CAMTA1: variants seen among roughly 807,000 people sequenced by gnomAD.
CAMTA1 encodes calmodulin-binding transcription activator 1.
Under a neutral mutation model 170.9 loss-of-function variants are expected in CAMTA1, and 27 were observed. That is an observed-to-expected ratio of 0.16 (90% CI 0.12 to 0.22). The LOEUF (loss-of-function observed/expected upper bound fraction) is 0.22. Among genes scored for constraint, CAMTA1 ranks in the 10% least tolerant of loss-of-function variants. The probability of loss-of-function intolerance (pLI) is 1.00; values close to 1 mark genes in which losing one functional copy is unlikely to be tolerated. For synonymous variants in CAMTA1, 833 were observed against 891.5 expected (o/e 0.93, Z 1.17); for missense variants, 1,619 against 2,217.2 (o/e 0.73, Z 5.42).
At chr1:6,920,061 T>C (rs1681676587) in intron 3 of CAMTA1, among the ~76,000 whole-genome samples, 1 of 152,142 alleles carries the variant, frequency 6.6e-6, no homozygotes, top group African/African-American at 2.4e-5. Flanking sequence ...CTCAGCTCAT[T>C]TCAGCATTAA....
intron 5 of CAMTA1, among the ~76,000 whole-genome samples, chr1:7,282,993 T>C (rs1056582027): frequency 1.3e-5 from 2 of 152,176 alleles, no homozygotes; most frequent in Non-Finnish European, 2.9e-5. Flanking sequence ...TACAGCAGTA[T>C]TGATAATAGT....
In CAMTA1 at chr1:7,419,740, C is replaced by G. The variant is rs547966107; in HGVS notation, c.439-48090C>G. Among the ~76,000 whole-genome samples the G allele has an allele frequency of 7.9e-5, 12 of 152,310 alleles. No homozygotes were observed. In the East Asian group the frequency reaches 2.3e-3, roughly 29 times the overall value. On this transcript the variant is annotated intron_variant, in intron 5 of 22. Transcript: ENST00000303635. Reference sequence around the variant, plus strand: ...CCACACCCCACCACCACCCAGCAGCCTCCTCCTGTCATCCCACCTGAACCA... The same window carrying G: ...CCACACCCCACCACCACCCAGCAGCGTCCTCCTGTCATCCCACCTGAACCA...
intron 5 of CAMTA1, among the ~76,000 whole-genome samples, chr1:7,309,320 G>T (rs1381186046): frequency 5.3e-4 from 46 of 85,988 alleles, no homozygotes; most frequent in African/African-American, 1.5e-3. Flanking sequence ...TTTTTTTTGA[G>T]ACGGAGTCTC....
intron 22 of CAMTA1, 23 bp from the exon 23 acceptor site, chr1:7,766,436 G>C: frequency 6.2e-7 from 1 of 1,613,042 alleles, no homozygotes; most frequent in East Asian, 2.2e-5. Flanking sequence ...ATCGCCTGCT[G>C]TTTTGTTTTG....
At chr1:7,095,355 C>T (rs1324191850) in intron 4 of CAMTA1, among the ~76,000 whole-genome samples, 1 of 152,050 alleles carries the variant, frequency 6.6e-6, no homozygotes, top group African/African-American at 2.4e-5. Flanking sequence ...TGGTTTTCTC[C>T]ACTTCAGTTT....
intron 3 of CAMTA1, among the ~76,000 whole-genome samples, chr1:6,906,832 T>C (rs994819619): frequency 6.6e-6 from 1 of 152,244 alleles, no homozygotes; most frequent in Non-Finnish European, 1.5e-5. Flanking sequence ...ATTATTTGCC[T>C]GGGGCCAGTT....
In CAMTA1 at chr1:7,534,287, G is replaced by A. The variant is rs1339763931; in HGVS notation, c.510+66386G>A. Among the ~76,000 whole-genome samples the A allele has an allele frequency of 6.6e-6, 1 of 152,192 alleles. No individual in the cohort carries two copies. The highest frequency in any genetic ancestry group is 2.4e-5 in the African/African-American group (1 of 41,458). On this transcript the variant is annotated intron_variant, in intron 6 of 22. Transcript: ENST00000303635. The surrounding 1 kb of genome is among the most constrained non-coding windows in gnomAD (Gnocchi z 5.6). Reference sequence around the variant, plus strand: ...CAGGCTGGCTGGAGGCCGAGGCTGGGGGCCGCGGGGCTATTTTTAGTTTGC... The same window carrying A: ...CAGGCTGGCTGGAGGCCGAGGCTGGAGGCCGCGGGGCTATTTTTAGTTTGC...
chr1:7,483,430 C>T (rs1371558595), intron 6 of CAMTA1, among the ~76,000 whole-genome samples: 4 of 152,188 alleles, frequency 2.6e-5, no homozygotes, highest in Admixed American at 2.0e-4. Context: ...ACCCTCAGCT[C>T]GGGGAGCTCT....
chr1:7,424,406 C>A (rs866252400), intron 5 of CAMTA1, among the ~76,000 whole-genome samples: 22 of 149,136 alleles, frequency 1.5e-4, no homozygotes, highest in African/African-American at 4.4e-4. Flanking sequence ...CAGTGAGGGG[C>A]CTTTCATGAA....
chr1:7,463,415 A>G lies in CAMTA1; in HGVS notation c.439-4415A>G, dbSNP rs948500282. ...GACAGATACAGAAACGGAGAGAGAA[A>G]TAAAGACAGACGGGGAGAGACAGAT... On this transcript the variant is annotated intron_variant, in intron 5 of 22. Transcript: ENST00000303635. This position sits in a 1 kb window ranked among gnomAD's most constrained non-coding sequence, Gnocchi z 4.7. Among the ~76,000 whole-genome samples, 3 of 151,868 alleles carry G rather than the reference A, an allele frequency of 2.0e-5. No individual in the cohort carries two copies. Among genetic ancestry groups the G allele is most frequent in the Non-Finnish European group, 4.4e-5 (3 of 67,996 alleles).
chr1:7,292,123 CTAAGGACTGGTGGCCAGAAA>C (rs1673226418), intron 5 of CAMTA1, among the ~76,000 whole-genome samples: 3 of 152,108 alleles, frequency 2.0e-5, no homozygotes, highest in Admixed American at 1.3e-4. Context: ...AATTGGAGAT[CTAAGGACTGGTGGCCAGAAA>C]TGAAATATTT....
At chr1:7,655,295 C>T (rs1303715019) in intron 7 of CAMTA1, among the ~76,000 whole-genome samples, 1 of 145,916 alleles carries the variant, frequency 6.9e-6, no homozygotes, top group South Asian at 2.2e-4. Context: ...CACACACACA[C>T]CTATACACAC....
intron 6 of CAMTA1, among the ~76,000 whole-genome samples, chr1:7,614,138 G>T (rs968627947): frequency 6.6e-6 from 1 of 152,028 alleles, no homozygotes; most frequent in South Asian, 2.1e-4. Flanking sequence ...AGGAGATTTT[G>T]GCAGGAGAAA....
In CAMTA1 at chr1:6,888,618, A is replaced by G. The variant is rs55680054; in HGVS notation, c.234+63408A>G. On this transcript the variant is annotated intron_variant, in intron 3 of 22. Transcript: ENST00000303635. The stretch of plus-strand genomic sequence containing the variant: ...GGCATCGAGTAAACAAGATAAATCA[A>G]AATATTTTCTAGATCAAGTAGGCAT... Among the ~76,000 whole-genome samples the G allele has an allele frequency of 2.6e-3, 398 of 152,360 alleles. 1 individual carries two copies. Among genetic ancestry groups the G allele is most frequent in the African/African-American group, 9.3e-3 (385 of 41,584 alleles).
intron 4 of CAMTA1, among the ~76,000 whole-genome samples, chr1:7,096,922 C>A (rs1642152988): frequency 6.6e-6 from 1 of 152,184 alleles, no homozygotes; most frequent in Non-Finnish European, 1.5e-5. Context: ...CTCAACCCAC[C>A]CTTTTCCGTT....
chr1:6,830,499 ATG>A (rs1649475219), intron 3 of CAMTA1, among the ~76,000 whole-genome samples: 1 of 151,864 alleles, frequency 6.6e-6, no homozygotes, highest in East Asian at 1.9e-4. Context: ...ATGCGCCACC[ATG>A]CCTGGCTAAT....
chr1:7,722,230 G>A (rs1208861366), intron 11 of CAMTA1, among the ~76,000 whole-genome samples: 4 of 152,200 alleles, frequency 2.6e-5, no homozygotes, highest in African/African-American at 9.7e-5. Flanking sequence ...TCATGAAATT[G>A]TCTCTGTCTT....
At chr1:7,498,675 G>T (rs550357936) in intron 6 of CAMTA1, among the ~76,000 whole-genome samples, 94 of 151,652 alleles carry the variant, frequency 6.2e-4, no homozygotes, top group Non-Finnish European at 1.1e-3. Flanking sequence ...ACTACATTGA[G>T]TGCATGCATA....
At chr1:7,128,939 C>G (rs932211240) in intron 4 of CAMTA1, among the ~76,000 whole-genome samples, 1 of 144,434 alleles carries the variant, frequency 6.9e-6, no homozygotes, top group Non-Finnish European at 1.5e-5. Flanking sequence ...CTCCCAGGTT[C>G]AAGTGATTCT....
Sources: allele counts gnomAD v4.1 joint callset (sites outside exome capture counted in the v4.1 genomes callset), GRCh38; gene constraint gnomAD v4.1.1; non-coding constraint Gnocchi (gnomAD v3.1); transcripts MANE v1.5; gene names NCBI Gene and HGNC (gene_info 2026-07-23, HGNC 2026-07-21).